The following MAML3 variants were observed in gnomAD, a reference collection of about 807,000 sequenced individuals.
MAML3 encodes mastermind like transcriptional coactivator 3, also known as mastermind-like protein 3.
MAML3 carries 27 observed loss-of-function variants against 101.9 expected under a neutral mutation model. The observed-to-expected ratio is 0.27, with a 90% CI of 0.20 to 0.37. The LOEUF (loss-of-function observed/expected upper bound fraction) is 0.37. Ranked by LOEUF, MAML3 falls within the 10% of genes least tolerant of loss-of-function variation. MAML3 has a pLI of 1.00. For missense variants in MAML3, 1,316 were observed against 1,444.9 expected, an observed-to-expected ratio of 0.91 and a Z score of 1.45; for synonymous variants, 501 against 555.9, an observed-to-expected ratio of 0.90 and a Z score of 1.39.
At chr4:139,894,678 C>T (rs778258476) in intron 1 of MAML3, among the ~76,000 whole-genome samples, 55 of 152,006 alleles carry the variant, frequency 3.6e-4, no homozygotes, top group Admixed American at 5.9e-4. Context: ...TAGAGACCCT[C>T]GAACTGCTGA....
chr4:139,912,383 G>A (rs1280159059), intron 1 of MAML3, among the ~76,000 whole-genome samples: 1 of 152,178 alleles, frequency 6.6e-6, no homozygotes, highest in Non-Finnish European at 1.5e-5. Flanking sequence ...AATAAAGGTT[G>A]AGGAGAGAAG....
chr4:139,962,464 C>T (rs769671), intron 1 of MAML3, among the ~76,000 whole-genome samples: 55,503 of 152,018 alleles, frequency 0.37, 11,054 homozygotes, highest in African/African-American at 0.52. Context: ...GTAGAAAAAG[C>T]CAGCTTTCTT....
At chr4:139,739,679 G>GTTTTTTTTTTTT (rs1553952725) in intron 2 of MAML3, among the ~76,000 whole-genome samples, 1 of 132,358 alleles carries the variant, frequency 7.6e-6, no homozygotes, top group African/African-American at 2.8e-5. Flanking sequence ...GAGGAAAGCA[G>GTTTTTTTTTTTT]TTTTTTTTTT....
chr4:140,043,988 T>A (rs1418426761), intron 1 of MAML3, among the ~76,000 whole-genome samples: 2 of 152,322 alleles, frequency 1.3e-5, no homozygotes, highest in East Asian at 1.9e-4. Context: ...ACTGTGCTCC[T>A]GATAAAAAGG....
chr4:139,988,326 C>CAA lies in MAML3; in HGVS notation c.469-97361_469-97360dup, dbSNP rs764018702. On this transcript the variant is annotated intron_variant, in intron 1 of 4. Transcript: ENST00000509479. ...TGGGCGACAGAGTGAGACTCCGTCT[C>CAA]AAAAAAAAAAAAAAAAAAAAAAAAG... Among the ~76,000 whole-genome samples the CAA allele has an allele frequency of 2.3e-3, 190 of 81,374 alleles. 1 individual carries two copies. The highest frequency in any genetic ancestry group is 6.6e-3 in the Middle Eastern group (1 of 152). The allele number at this position is 81,374 out of a possible 152,430, so 53.4% of individuals were successfully genotyped here. A position where few individuals can be genotyped will look rare whatever the true frequency, so the allele number is the denominator to read the frequency against.
At chr4:140,142,541 A>G (rs1728993537) in intron 1 of MAML3, among the ~76,000 whole-genome samples, 1 of 152,188 alleles carries the variant, frequency 6.6e-6, no homozygotes, top group Admixed American at 6.5e-5. Flanking sequence ...AGCCTATTTC[A>G]TCTTTGAACA....
At chr4:140,083,254 T>C (rs1727892211) in intron 1 of MAML3, among the ~76,000 whole-genome samples, 1 of 152,200 alleles carries the variant, frequency 6.6e-6, no homozygotes, top group South Asian at 2.1e-4. Flanking sequence ...GTGGCATCTG[T>C]AAAACATTTC....
At chr4:139,998,029 T>C (rs963074387) in intron 1 of MAML3, among the ~76,000 whole-genome samples, 3 of 152,152 alleles carry the variant, frequency 2.0e-5, no homozygotes, top group Non-Finnish European at 4.4e-5. Context: ...TTCTATTTGT[T>C]GGGTGTGTAT....
intron 1 of MAML3, among the ~76,000 whole-genome samples, chr4:140,008,425 A>T (rs1315753622): frequency 1.3e-5 from 2 of 152,230 alleles, no homozygotes; most frequent in African/African-American, 2.4e-5. Flanking sequence ...ATCCTATCAC[A>T]TGGTAAGGAC....
At chr4:139,811,185 G>A (rs1730790488) in intron 2 of MAML3, among the ~76,000 whole-genome samples, 1 of 152,210 alleles carries the variant, frequency 6.6e-6, no homozygotes, top group Non-Finnish European at 1.5e-5. Context: ...TTACGCCACT[G>A]TTATAGAGTG....
At chr4:140,065,684 T>C (rs1456503386) in intron 1 of MAML3, among the ~76,000 whole-genome samples, 1 of 152,228 alleles carries the variant, frequency 6.6e-6, no homozygotes, top group Non-Finnish European at 1.5e-5. Context: ...ATGTCTCTCC[T>C]AGGCTATCAA....
intron 2 of MAML3, among the ~76,000 whole-genome samples, chr4:139,809,492 C>A (rs1309344685): frequency 6.6e-6 from 1 of 152,200 alleles, no homozygotes; most frequent in African/African-American, 2.4e-5. Flanking sequence ...AAAACAAAGG[C>A]CCCTTCCAAC....
intron 2 of MAML3, among the ~76,000 whole-genome samples, chr4:139,867,466 G>A (rs146347112): frequency 2.3e-3 from 357 of 152,306 alleles, no homozygotes; most frequent in Non-Finnish European, 3.8e-3. Flanking sequence ...AACATTTGTT[G>A]AGCATCTGCT....
chr4:140,057,596 G>GTAT (rs1727370739), intron 1 of MAML3, among the ~76,000 whole-genome samples: 1 of 152,074 alleles, frequency 6.6e-6, no homozygotes, highest in Non-Finnish European at 1.5e-5. Flanking sequence ...TTATATTCCT[G>GTAT]TATTCTTAAA....
chr4:139,854,699 A>G (rs942580160), intron 2 of MAML3, among the ~76,000 whole-genome samples: 2 of 152,116 alleles, frequency 1.3e-5, no homozygotes, highest in Non-Finnish European at 2.9e-5. Context: ...CCTCTGTCCT[A>G]AGGGCAGTCT....
At chr4:140,114,326 T>C (rs10519524) in intron 1 of MAML3, among the ~76,000 whole-genome samples, 59,176 of 152,134 alleles carry the variant, frequency 0.39, 11,843 homozygotes, top group East Asian at 0.59. Flanking sequence ...TTGAATTTCC[T>C]GCAATCTCAA....
intron 1 of MAML3, among the ~76,000 whole-genome samples, chr4:140,122,215 C>T (rs1321502124): frequency 1.6e-5 from 2 of 123,574 alleles, no homozygotes; most frequent in Admixed American, 8.4e-5. Flanking sequence ...AATAATCAAA[C>T]GAGACTTTTT....
chr4:139,962,814 G>A (rs1355142830), intron 1 of MAML3, among the ~76,000 whole-genome samples: 2 of 152,176 alleles, frequency 1.3e-5, no homozygotes, highest in Non-Finnish European at 2.9e-5. Flanking sequence ...TTTAGAAGTA[G>A]TCAATTCATT....
chr4:140,102,835 G>T (rs1196464750), intron 1 of MAML3, among the ~76,000 whole-genome samples: 1 of 152,152 alleles, frequency 6.6e-6, no homozygotes, highest in Non-Finnish European at 1.5e-5. Context: ...AGAGAAAATG[G>T]CCTTGTGTAA....
Sources: gnomAD v4.1 joint callset for allele counts (sites outside exome capture counted in the v4.1 genomes callset) on GRCh38, gnomAD v4.1.1 for gene constraint, MANE v1.5 for transcripts, NCBI Gene and HGNC (gene_info 2026-07-23, HGNC 2026-07-21) for gene names.